Variants in PTRH1 observed in about 807,000 individuals in gnomAD.
PTRH1 encodes the protein peptidyl-tRNA hydrolase.
PTRH1 carries 13 observed loss-of-function variants against 15.7 expected under a neutral mutation model. The observed-to-expected ratio is 0.83, with a 90% CI of 0.54 to 1.31. The LOEUF (loss-of-function observed/expected upper bound fraction) is 1.31. PTRH1 is among the 40% of genes most tolerant of loss of function. The pLI, the probability that PTRH1 is intolerant of heterozygous loss-of-function variation, is 0.00. For synonymous variants in PTRH1, 139 were observed against 136.7 expected, an observed-to-expected ratio of 1.02 and a Z score of -0.12; for missense variants, 319 against 296.2, an observed-to-expected ratio of 1.08 and a Z score of -0.56.
chr9:127,713,563 G>A (rs1315003781), downstream of PTRH1: 2 of 313,990 alleles, frequency 6.4e-6, no homozygotes, highest in East Asian at 1.3e-4. Context: ...CTGGAGTGCA[G>A]TGCCACAATC....
chr9:127,699,156 A>G (rs963301654), intron 1 of PTRH1, among the ~76,000 whole-genome samples: 1 of 152,120 alleles, frequency 6.6e-6, no homozygotes, highest in African/African-American at 2.4e-5. Context: ...TGCTGGCATT[A>G]TAGGTGTGAA....
In PTRH1 at chr9:127,715,459, T is replaced by C. The variant is rs1295653832; in HGVS notation, c.96+85A>G. 2.5e-6 allele frequency: 4 copies of C among 1,575,272 alleles called. No individual in the cohort carries two copies. The highest frequency in any genetic ancestry group is 1.4e-5 in the African/African-American group (1 of 73,926). The stretch of plus-strand genomic sequence containing the variant: ...CCAGTTAAGAAAACAGAGCAGCAAT[T>C]TGGGGGCACTCGGCTCCCGGGACAT... On this transcript the variant is annotated intron_variant, in intron 1 of 4. Transcript: ENST00000543175. This position sits in a 1 kb window ranked among gnomAD's most constrained non-coding sequence, Gnocchi z 5.8.
downstream of PTRH1, chr9:127,712,396 C>T (rs757974203): frequency 1.8e-5 from 29 of 1,601,290 alleles, no homozygotes; most frequent in Middle Eastern, 6.9e-4. Flanking sequence ...GGGGAGTGAG[C>T]GCAAGATGGA....
At chr9:127,694,989 T>G (rs1842544556) in exon 2 of PTRH1, 3 of 702,764 alleles carry the variant, frequency 4.3e-6, no homozygotes, top group Non-Finnish European at 5.2e-6. Context: ...TGTTCCCTCC[T>G]GTAGTGCCCG....
downstream of PTRH1, chr9:127,711,681 C>A: frequency 8.5e-7 from 1 of 1,173,606 alleles, no homozygotes; most frequent in Non-Finnish European, 1.2e-6. Context: ...TATTTAAAGC[C>A]CCCATAACTT....
At chr9:127,699,721 A>AC (rs1242962138) in intron 1 of PTRH1, among the ~76,000 whole-genome samples, 1 of 151,944 alleles carries the variant, frequency 6.6e-6, no homozygotes, top group African/African-American at 2.4e-5. Context: ...CAGGGGAAAA[A>AC]AAAAACAAAA....
At chr9:127,711,319 G>A (rs2131589762), downstream of PTRH1, 1 of 1,614,176 alleles carries the variant, frequency 6.2e-7, no homozygotes, top group East Asian at 2.2e-5. Context: ...CAACCAAGCG[G>A]GCCATCAAAG....
At chr9:127,706,358 C>T (rs924263325) in intron 1 of PTRH1, among the ~76,000 whole-genome samples, 1 of 152,178 alleles carries the variant, frequency 6.6e-6, no homozygotes, top group Non-Finnish European at 1.5e-5. Context: ...GCTGAAGTAC[C>T]ACTGCCATTC....
chr9:127,711,053 T>C (rs139074575), downstream of PTRH1, among the ~76,000 whole-genome samples: 745 of 152,222 alleles, frequency 4.9e-3, 4 homozygotes, highest in Non-Finnish European at 8.7e-3. Flanking sequence ...ATGGTACCAA[T>C]TACAAAGGTC....
At chr9:127,714,837 G>T in intron 2 of PTRH1, 135 bp from the exon 3 acceptor site, 1 of 1,036,290 alleles carries the variant, frequency 9.6e-7, no homozygotes, top group Non-Finnish European at 1.4e-6. Flanking sequence ...AGTACCCAAA[G>T]CCATGCAGCA....
At chr9:127,710,459 TG>T (rs1162570342), downstream of PTRH1, 4 of 938,098 alleles carry the variant, frequency 4.3e-6, no homozygotes, top group Non-Finnish European at 6.3e-6. Context: ...GCAGGGTAGG[TG>T]GGGGATGGTA....
At chr9:127,711,960 G>C (rs761575758), downstream of PTRH1, 4 of 1,603,212 alleles carry the variant, frequency 2.5e-6, no homozygotes, top group Non-Finnish European at 3.4e-6. Context: ...AGTGCGTATG[G>C]CCCACGGAGG....
At chr9:127,706,383 C>CA (rs1172726380) in intron 1 of PTRH1, among the ~76,000 whole-genome samples, 2 of 152,190 alleles carry the variant, frequency 1.3e-5, no homozygotes, top group African/African-American at 2.4e-5. Context: ...TGGCTATTGT[C>CA]AGAGTTTTTC....
At chr9:127,702,789 G>A (rs539453035) in intron 1 of PTRH1, among the ~76,000 whole-genome samples, 25 of 151,424 alleles carry the variant, frequency 1.7e-4, no homozygotes, top group Non-Finnish European at 3.1e-4. Flanking sequence ...TCAGCTCACT[G>A]CAACCTCTGC....
downstream of PTRH1, chr9:127,710,841 C>G: frequency 6.9e-7 from 1 of 1,453,672 alleles, no homozygotes; most frequent in South Asian, 1.3e-5. Context: ...CAGCTTCTAA[C>G]TGGGGGGTTA....
chr9:127,709,151 T>C (rs886669088), downstream of PTRH1, among the ~76,000 whole-genome samples: 5 of 152,244 alleles, frequency 3.3e-5, no homozygotes, highest in Admixed American at 3.3e-4. The surrounding 1 kb of genome is among the most constrained non-coding windows in gnomAD (Gnocchi z 4.7). Context: ...GGCACAGGTG[T>C]TGGGGACATA....
intron 1 of PTRH1, among the ~76,000 whole-genome samples, chr9:127,698,995 G>C (rs1842583611): frequency 6.6e-6 from 1 of 151,394 alleles, no homozygotes; most frequent in African/African-American, 2.4e-5. Context: ...CTCCCTCCCG[G>C]GTTCAAGCGA....
rs1012903121 is a variant in PTRH1, at chr9:127,705,813, C to A, written c.205+9622G>T. ...CCACAAGGCCTGGGCAGCCAGAGCTCCCTCACTTGTAAGTGCACTCAGGCT... is the reference window on the plus strand; with the variant it reads ...CCACAAGGCCTGGGCAGCCAGAGCTACCTCACTTGTAAGTGCACTCAGGCT... On this transcript the variant is annotated intron_variant, in intron 1 of 2. Transcript: ENST00000335223. The surrounding 1 kb of genome is among the most constrained non-coding windows in gnomAD (Gnocchi z 4.7). Among the ~76,000 whole-genome samples, 5 of 152,214 alleles carry A rather than the reference C, an allele frequency of 3.3e-5. No individual in the cohort carries two copies. Among genetic ancestry groups the A allele is most frequent in the Non-Finnish European group, 7.3e-5 (5 of 68,034 alleles).
At chr9:127,699,650 T>G (rs571771960) in intron 1 of PTRH1, among the ~76,000 whole-genome samples, 1 of 152,276 alleles carries the variant, frequency 6.6e-6, no homozygotes, top group East Asian at 1.9e-4. Context: ...TTCCATATTT[T>G]TTCCATGTGA....
Sources: allele counts gnomAD v4.1 joint callset (sites outside exome capture counted in the v4.1 genomes callset), GRCh38; gene constraint gnomAD v4.1.1; non-coding constraint Gnocchi (gnomAD v3.1); transcripts MANE v1.5; gene names NCBI Gene and HGNC (gene_info 2026-07-23, HGNC 2026-07-21).